Variants in CPM observed in about 807,000 individuals in gnomAD.
CPM encodes renal carboxypeptidase.
A neutral mutation model predicts 46.4 loss-of-function variants in CPM; 35 were observed. The ratio of observed to expected loss-of-function variants is 0.75; its 90% CI spans 0.58 to 1.00. The LOEUF is 1.00. Among genes scored for constraint, CPM ranks in the 50% least tolerant of loss-of-function variants. CPM has a pLI of 0.00. For missense variants in CPM, 422 were observed against 530.4 expected (o/e 0.80, Z 2.01); for synonymous variants, 195 against 195.3 (o/e 1.00, Z 0.01).
In CPM at chr12:68,897,565, G is replaced by A. The variant is rs369816720; in HGVS notation, c.161-11676C>T. 5.9e-5 allele frequency among the ~76,000 whole-genome samples: 9 copies of A among 151,990 alleles called. No homozygotes were observed. In the East Asian group the frequency reaches 1.6e-3, roughly 26 times the overall value. On this transcript the variant is annotated intron_variant, in intron 2 of 8. Transcript: ENST00000551568. ...AGCCTGGCCAATATGGGGAAACCTC[G>A]TCTCTACTAAAGTTACAAAAAATTA...
At chr12:68,884,582 T>G (rs1283480380) in intron 3 of CPM, among the ~76,000 whole-genome samples, 1 of 152,200 alleles carries the variant, frequency 6.6e-6, no homozygotes, top group Non-Finnish European at 1.5e-5. Context: ...TTTTAACAAG[T>G]CAGCAGGTAG....
chr12:68,920,838 G>A (rs1330346554), intron 2 of CPM, among the ~76,000 whole-genome samples: 2 of 150,946 alleles, frequency 1.3e-5, no homozygotes, highest in Admixed American at 1.3e-4. Context: ...TTACAGGTGT[G>A]CACCACCATG....
intron 2 of CPM, among the ~76,000 whole-genome samples, chr12:68,922,737 G>A (rs1352817684): frequency 1.3e-5 from 2 of 151,828 alleles, no homozygotes; most frequent in Non-Finnish European, 2.9e-5. Flanking sequence ...GTGACATGCA[G>A]CAGTCCTCAG....
At chr12:68,857,944 T>G (rs982634835) in intron 8 of CPM, among the ~76,000 whole-genome samples, 2 of 152,142 alleles carry the variant, frequency 1.3e-5, no homozygotes, top group Non-Finnish European at 2.9e-5. Flanking sequence ...TGAGTTGAGA[T>G]TTTTCAAGCT....
In CPM at chr12:68,851,317, A is replaced by G. The variant is rs941974422; in HGVS notation, c.*5120T>C. 4 of 152,618 alleles carry G rather than the reference A, an allele frequency of 2.6e-5. No individual in the cohort carries two copies. Among genetic ancestry groups the G allele is most frequent in the African/African-American group, 7.2e-5 (3 of 41,442 alleles). The allele number at this position is 152,618 out of a possible 1,614,324, so 9.5% of individuals were successfully genotyped here. A position where few individuals can be genotyped will look rare whatever the true frequency, so the allele number is the denominator to read the frequency against. Reference sequence around the variant, plus strand: ...AATAAATTCTTAGTTATAGTATTAAAGAAAGTGGCTGGGCGCGGGGGCTCA... The same window carrying G: ...AATAAATTCTTAGTTATAGTATTAAGGAAAGTGGCTGGGCGCGGGGGCTCA... On this transcript the variant is annotated 3_prime_UTR_variant, in exon 9 of 9. Transcript: ENST00000551568.
chr12:68,951,566 G>A (rs753900960), intron 1 of CPM, among the ~76,000 whole-genome samples: 2 of 152,140 alleles, frequency 1.3e-5, no homozygotes, highest in African/African-American at 4.8e-5. Context: ...TAGGAAGAGG[G>A]TATTATGTGT....
chr12:68,928,996 C>T (rs1196851853), intron 2 of CPM, among the ~76,000 whole-genome samples: 1 of 151,694 alleles, frequency 6.6e-6, no homozygotes, highest in Non-Finnish European at 1.5e-5. Context: ...ACGTGAGCCA[C>T]CACACCCAGT....
upstream of CPM, among the ~76,000 whole-genome samples, chr12:68,935,934 T>G (rs1209072472): frequency 6.6e-6 from 1 of 152,142 alleles, no homozygotes; most frequent in African/African-American, 2.4e-5. Flanking sequence ...AATGGTGGCT[T>G]CATCAATACT....
Position 68,882,013 on chromosome 12 carries a change from C to T in CPM, c.258+3779G>A, listed in dbSNP as rs191437766. Among the ~76,000 whole-genome samples, 635 of 146,786 alleles carry T rather than the reference C, an allele frequency of 4.3e-3. 39 individuals are homozygous for T. Among genetic ancestry groups the T allele is most frequent in the Non-Finnish European group, 6.1e-4 (41 of 67,200 alleles). On this transcript the variant is annotated intron_variant, in intron 3 of 8. Coordinates refer to ENST00000551568, the MANE Select transcript of CPM (RefSeq NM_198320.5). ...CTGGGATTACAGGCGTGAGCCACCA[C>T]GCCCGGCCTGCTTTTTTTTTTTTTT...
intron 1 of CPM, among the ~76,000 whole-genome samples, chr12:68,961,516 T>C (rs1287825695): frequency 6.6e-6 from 1 of 152,204 alleles, no homozygotes; most frequent in East Asian, 1.9e-4. Flanking sequence ...GACCTTGAAC[T>C]CCTGGGCTCA....
intron 1 of CPM, among the ~76,000 whole-genome samples, chr12:68,962,063 G>GTA (rs1392491223): frequency 2.0e-4 from 31 of 151,940 alleles, no homozygotes; most frequent in Admixed American, 1.3e-4. Context: ...AGCCGGGCAC[G>GTA]GTGGTGGGCG....
chr12:68,939,652 T>G (rs1338645678), intron 1 of CPM, among the ~76,000 whole-genome samples: 1 of 152,054 alleles, frequency 6.6e-6, no homozygotes, highest in Non-Finnish European at 1.5e-5. Flanking sequence ...CAGGATTCAA[T>G]TCACCTTAGA....
At chr12:68,962,472 G>A (rs886359870) in intron 1 of CPM, among the ~76,000 whole-genome samples, 7 of 152,022 alleles carry the variant, frequency 4.6e-5, no homozygotes, top group African/African-American at 2.4e-5. Context: ...TCTTCCCCAC[G>A]TGGGTCCTAG....
rs553714683 is a variant in CPM, at chr12:68,875,099, C to T, written c.259-3143G>A. The stretch of plus-strand genomic sequence containing the variant: ...GGCACGGTGGCTCATGCCTGTAATC[C>T]AAGCACTTTGGGAGGCTGAGGTGGG... On this transcript the variant is annotated intron_variant, in intron 3 of 8. Transcript: ENST00000551568. 4.1e-3 allele frequency among the ~76,000 whole-genome samples: 622 copies of T among 152,134 alleles called. 4 individuals carry two copies. Among genetic ancestry groups the T allele is most frequent in the African/African-American group, 0.014 (575 of 41,486 alleles).
At chr12:68,942,891 G>A (rs75284606) in intron 1 of CPM, among the ~76,000 whole-genome samples, 164 of 152,254 alleles carry the variant, frequency 1.1e-3, no homozygotes, top group African/African-American at 3.8e-3. Flanking sequence ...TGACACTCCA[G>A]TATGCCCTAA....
intron 2 of CPM, among the ~76,000 whole-genome samples, chr12:68,908,391 C>A (rs1046779446): frequency 1.3e-5 from 2 of 150,436 alleles, no homozygotes; most frequent in Non-Finnish European, 2.9e-5. Context: ...CTCCACAGGA[C>A]ACAGCTTTTT....
chr12:68,890,368 T>TA (rs10564575), intron 2 of CPM, among the ~76,000 whole-genome samples: 183 of 144,326 alleles, frequency 1.3e-3, no homozygotes, highest in South Asian at 3.3e-3. Context: ...TTTTTTAATT[T>TA]AAAAAAAAAA....
chr12:68,890,150 T>A (rs1050974362), intron 2 of CPM, among the ~76,000 whole-genome samples: 1 of 152,054 alleles, frequency 6.6e-6, no homozygotes, highest in Admixed American at 6.6e-5. Context: ...GGTGCAAGGA[T>A]CCCTTGATCC....
At chr12:68,863,149 T>C (rs1031461585) in intron 7 of CPM, among the ~76,000 whole-genome samples, 2 of 152,182 alleles carry the variant, frequency 1.3e-5, no homozygotes, top group African/African-American at 4.8e-5. Flanking sequence ...CTATTTTGGA[T>C]GTGATAACAG....
Sources: allele counts gnomAD v4.1 joint callset (sites outside exome capture counted in the v4.1 genomes callset), GRCh38; gene constraint gnomAD v4.1.1; transcripts MANE v1.5; gene names NCBI Gene and HGNC (gene_info 2026-07-23, HGNC 2026-07-21).